Variants in TSPAN16 observed in about 807,000 individuals in gnomAD.
TSPAN16 encodes the protein tetraspanin 16.
Under a neutral mutation model 25.2 loss-of-function variants are expected in TSPAN16, and 23 were observed. The ratio of observed to expected loss-of-function variants is 0.91; its 90% CI spans 0.66 to 1.29. The LOEUF (loss-of-function observed/expected upper bound fraction) is 1.29, where lower values mean the gene tolerates loss of function less well. Ranked by LOEUF, TSPAN16 falls within the 50% of genes most tolerant of loss-of-function variation. The pLI is 0.00. For missense variants in TSPAN16, 272 were observed against 299.9 expected (o/e 0.91, Z 0.69); for synonymous variants, 123 against 124.4 (o/e 0.99, Z 0.08).
chr19:11,302,690 C>T lies in TSPAN16; in HGVS notation c.450+1382C>T, dbSNP rs1228605751. The stretch of plus-strand genomic sequence containing the variant: ...ATATATATATATATACACACACACA[C>T]ACACACACACACACACATACATATA... On this transcript the variant is annotated intron_variant, in intron 4 of 6. Transcript: ENST00000590327. Among the ~76,000 whole-genome samples the T allele has an allele frequency of 2.1e-3, 251 of 121,088 alleles. 1 individual carries two copies. The highest frequency in any genetic ancestry group is 8.6e-3 in the African/African-American group (238 of 27,766). The allele number at this position is 121,088 out of a possible 152,430, so 79.4% of individuals were successfully genotyped here.
chr19:11,318,346 G>A (rs1317712539), downstream of TSPAN16, among the ~76,000 whole-genome samples: 1 of 151,936 alleles, frequency 6.6e-6, no homozygotes, highest in Non-Finnish European at 1.5e-5. Flanking sequence ...ATTTTTAGTA[G>A]AGACGGGGTT....
chr19:11,323,006 G>T (rs1467614097), intron 6 of TSPAN16: 1 of 152,042 alleles, frequency 6.6e-6, no homozygotes, highest in African/African-American at 2.4e-5. Context: ...CAGCTACTTA[G>T]GAGGCTGAGA....
intron 5 of TSPAN16, among the ~76,000 whole-genome samples, chr19:11,310,539 G>A (rs1314914314): frequency 1.3e-5 from 2 of 150,216 alleles, no homozygotes; most frequent in African/African-American, 4.9e-5. Flanking sequence ...AAAAAGTGCA[G>A]GAAGGAGAGA....
At chr19:11,305,894 C>T (rs1430649399) in intron 4 of TSPAN16, among the ~76,000 whole-genome samples, 4 of 152,240 alleles carry the variant, frequency 2.6e-5, no homozygotes, top group East Asian at 3.9e-4. Flanking sequence ...CTGGTTCTTC[C>T]GTTACTGACA....
Position 11,302,442 on chromosome 19 carries a change from T to C in TSPAN16, c.450+1134T>C, listed in dbSNP as rs1250661961. Among the ~76,000 whole-genome samples the C allele has an allele frequency of 1.1e-4, 16 of 139,348 alleles. No homozygotes were observed. The Admixed American group carries it at 1.2e-3, about 10-fold the overall frequency. The allele number at this position is 139,348 out of a possible 152,430, so 91.4% of individuals were successfully genotyped here. A position where few individuals can be genotyped will look rare whatever the true frequency, so the allele number is the denominator to read the frequency against. Reference sequence around the variant, plus strand: ...TACTCGGGAGGCTGAGGCAGGAGAATCGCTTGAATCCGGGAGGCAGAGGCT... The same window carrying C: ...TACTCGGGAGGCTGAGGCAGGAGAACCGCTTGAATCCGGGAGGCAGAGGCT... On this transcript the variant is annotated intron_variant, in intron 4 of 6. Coordinates refer to ENST00000590327, the MANE Select transcript of TSPAN16 (RefSeq NM_001282509.2).
intron 4 of TSPAN16, among the ~76,000 whole-genome samples, chr19:11,303,145 T>C (rs2080583792): frequency 6.7e-6 from 1 of 148,332 alleles, no homozygotes; most frequent in Non-Finnish European, 1.5e-5. Context: ...GATTGAGAAA[T>C]CGGATGGTTG....
downstream of TSPAN16, among the ~76,000 whole-genome samples, chr19:11,319,811 G>A (rs2080766930): frequency 6.6e-6 from 1 of 151,578 alleles, no homozygotes; most frequent in Admixed American, 6.6e-5. Flanking sequence ...GTTGTATTTT[G>A]TTTTGTTTTG....
At position 11,306,942 on chromosome 19, in the gene TSPAN16, A is replaced by G. The variant is rs1250877300; in HGVS notation, c.603+186A>G. On this transcript the variant is annotated intron_variant, in intron 5 of 6. Transcript: ENST00000590327. ...GTGATTCTCCCGCCCCAGCCTCCCA[A>G]GTAGCTGGGATCACAGGCATGCACC... 2.1e-5 allele frequency: 11 copies of G among 535,712 alleles called. No homozygotes were observed. The East Asian group carries it at 2.8e-4, about 13-fold the overall frequency. The allele number at this position is 535,712 out of a possible 1,614,324, so 33.2% of individuals were successfully genotyped here.
At chr19:11,298,049 T>C in intron 1 of TSPAN16, 93 bp from the exon 2 acceptor site, 1 of 1,368,290 alleles carries the variant, frequency 7.3e-7, no homozygotes, top group Non-Finnish European at 1.0e-6. Flanking sequence ...CCCAAAGTGC[T>C]GGGATTACAG....
intron 4 of TSPAN16, among the ~76,000 whole-genome samples, chr19:11,303,078 G>T (rs968252827): frequency 6.6e-6 from 1 of 150,462 alleles, no homozygotes; most frequent in African/African-American, 2.5e-5. Context: ...CATTGAGAAC[G>T]GGCCAGGATG....
chr19:11,309,350 G>A (rs1211882249), intron 5 of TSPAN16, among the ~76,000 whole-genome samples: 1 of 152,098 alleles, frequency 6.6e-6, no homozygotes, highest in Non-Finnish European at 1.5e-5. Context: ...AGACAGACAC[G>A]GGCCAGACAC....
At chr19:11,320,276 C>T (rs998452675), downstream of TSPAN16, among the ~76,000 whole-genome samples, 2 of 152,146 alleles carry the variant, frequency 1.3e-5, no homozygotes, top group African/African-American at 2.4e-5. Flanking sequence ...CATGTGCCAC[C>T]AGGCCCAGCT....
In TSPAN16 at chr19:11,301,344, A is replaced by C. The variant is rs768365050; in HGVS notation, c.450+36A>C. The C allele has an allele frequency of 1.9e-6, 3 of 1,544,138 alleles. No homozygotes were observed. In the African/African-American group the frequency reaches 4.1e-5, roughly 21 times the overall value. On this transcript the variant is annotated intron_variant, in intron 4 of 6. Transcript: ENST00000590327. ...CTTAAAAAAAAAAAATTGTGGTGTA[A>C]AGGTACACAACATGGGCGGGCGAAG...
At chr19:11,313,492 A>T (rs193115683) in intron 6 of TSPAN16, among the ~76,000 whole-genome samples, 41 of 151,172 alleles carry the variant, frequency 2.7e-4, no homozygotes, top group Middle Eastern at 3.4e-3. Flanking sequence ...GCACCACTGC[A>T]CTCCAGCCTT....
downstream of TSPAN16, among the ~76,000 whole-genome samples, chr19:11,317,162 C>T (rs1272165603): frequency 2.0e-5 from 3 of 152,190 alleles, no homozygotes; most frequent in Admixed American, 6.6e-5. Flanking sequence ...AAACCTCAGA[C>T]AATGTCATTT....
At chr19:11,300,737 TCTC>T (rs1456162203) in intron 3 of TSPAN16, 10 of 157,464 alleles carry the variant, frequency 6.4e-5, no homozygotes, top group Admixed American at 2.4e-4. Context: ...CATGGTCTGT[TCTC>T]CTGTGCATGT....
chr19:11,309,157 C>T (rs973112993), intron 5 of TSPAN16, among the ~76,000 whole-genome samples: 5 of 151,268 alleles, frequency 3.3e-5, no homozygotes, highest in Admixed American at 1.3e-4. Flanking sequence ...TGCAGTGAGC[C>T]GTGATTGTGC....
intron 5 of TSPAN16, 151 bp from the exon 6 acceptor site, chr19:11,311,988 A>G: frequency 1.7e-6 from 1 of 588,514 alleles, no homozygotes; most frequent in Admixed American, 2.7e-5. Flanking sequence ...CAGTCAAATG[A>G]GATGGAGGGA....
chr19:11,325,352 C>T (rs1329642044), intron 6 of TSPAN16: 1 of 1,224,244 alleles, frequency 8.2e-7, no homozygotes, highest in African/African-American at 1.7e-5. Context: ...CGATCACAGT[C>T]CCTGCCGAGG....
Sources: allele counts gnomAD v4.1 joint callset (sites outside exome capture counted in the v4.1 genomes callset), GRCh38; gene constraint gnomAD v4.1.1; transcripts MANE v1.5; gene names NCBI Gene and HGNC (gene_info 2026-07-23, HGNC 2026-07-21).